The following NNT variants were observed in gnomAD, a reference collection of about 807,000 sequenced individuals.
NNT encodes NAD(P) transhydrogenase, mitochondrial.
NNT carries 50 observed loss-of-function variants against 104.8 expected under a neutral mutation model. That is an observed-to-expected ratio of 0.48 (90% CI 0.38 to 0.60). The LOEUF (loss-of-function observed/expected upper bound fraction) is 0.60, where lower values mean the gene tolerates loss of function less well. NNT is among the 20% of genes least tolerant of loss of function. The pLI is 0.00. For synonymous variants in NNT, 461 were observed against 490.4 expected, an observed-to-expected ratio of 0.94 and a Z score of 0.79; for missense variants, 1,131 against 1,330.7, an observed-to-expected ratio of 0.85 and a Z score of 2.33.
intron 1 of NNT, among the ~76,000 whole-genome samples, chr5:43,607,737 G>A (rs1325942870): frequency 6.6e-6 from 1 of 152,148 alleles, no homozygotes; most frequent in Non-Finnish European, 1.5e-5. Context: ...CACCAAGCCT[G>A]GCCAGTGGCA....
intron 12 of NNT, among the ~76,000 whole-genome samples, chr5:43,651,236 G>GT (rs1165643686): frequency 6.6e-6 from 1 of 152,002 alleles, no homozygotes; most frequent in South Asian, 2.1e-4. Flanking sequence ...TATATTTAGT[G>GT]TTTTTTCCCC....
chr5:43,641,297 C>T (rs1751219825), intron 7 of NNT, among the ~76,000 whole-genome samples: 1 of 151,244 alleles, frequency 6.6e-6, no homozygotes, highest in Non-Finnish European at 1.5e-5. Context: ...TATTTTTTTC[C>T]CTTCTGTTTT....
chr5:43,699,159 A>T (rs1742719127), intron 19 of NNT, among the ~76,000 whole-genome samples: 2 of 152,052 alleles, frequency 1.3e-5, no homozygotes, highest in East Asian at 1.9e-4. Flanking sequence ...CTGTGGTCAA[A>T]AGAAGTTGCT....
chr5:43,673,424 A>G (rs1171973852), intron 17 of NNT, among the ~76,000 whole-genome samples: 2 of 152,054 alleles, frequency 1.3e-5, no homozygotes, highest in Non-Finnish European at 2.9e-5. Context: ...CCATCTTGGA[A>G]CCCAATCCTC....
chr5:43,621,784 G>A (rs1226782244), intron 5 of NNT, among the ~76,000 whole-genome samples: 1 of 152,170 alleles, frequency 6.6e-6, no homozygotes, highest in Non-Finnish European at 1.5e-5. Context: ...GTAGAGTGAT[G>A]GGGAAGCTTC....
Position 43,609,166 on chromosome 5 carries a change from G to A in NNT, c.-30G>A, listed in dbSNP as rs1025645816. 2 of 1,581,564 alleles carry A rather than the reference G, an allele frequency of 1.3e-6. No homozygotes were observed. The highest frequency in any genetic ancestry group is 1.4e-5 in the African/African-American group (1 of 73,942). On this transcript the variant is annotated 5_prime_UTR_variant, in exon 2 of 22. Transcript: ENST00000344920. ...AGTGATTTGCCTTCAAGGAAACTGG[G>A]GAGTCAGAAAATTGGGAACTCATAT...
chr5:43,605,797 A>G (rs1749192761), intron 1 of NNT, among the ~76,000 whole-genome samples: 1 of 152,184 alleles, frequency 6.6e-6, no homozygotes, highest in African/African-American at 2.4e-5. Flanking sequence ...TTGCCAAGAA[A>G]TGACCTCCTG....
At chr5:43,645,644 T>C (rs780561960) in intron 10 of NNT, 134 bp downstream of exon 10, 1 of 155,564 alleles carries the variant, frequency 6.4e-6, no homozygotes, top group South Asian at 2.8e-4. Context: ...TCTACACATC[T>C]ATCTATCTAT....
intron 19 of NNT, among the ~76,000 whole-genome samples, chr5:43,695,357 A>T (rs1170814295): frequency 6.6e-6 from 1 of 152,232 alleles, no homozygotes; most frequent in Non-Finnish European, 1.5e-5. Context: ...GTGAAAAATA[A>T]CAAGGCATCT....
At chr5:43,630,167 G>C (rs1418032948) in intron 7 of NNT, among the ~76,000 whole-genome samples, 3 of 151,962 alleles carry the variant, frequency 2.0e-5, no homozygotes, top group African/African-American at 7.2e-5. Context: ...GAGGGGTGAG[G>C]ATCCAGCTTC....
chr5:43,695,428 C>T (rs1306996018), intron 19 of NNT, among the ~76,000 whole-genome samples: 1 of 152,186 alleles, frequency 6.6e-6, no homozygotes, highest in East Asian at 1.9e-4. Flanking sequence ...AATGCTGATA[C>T]AGACTTAGGC....
intron 19 of NNT, among the ~76,000 whole-genome samples, chr5:43,699,165 TTG>T (rs1742719438): frequency 6.6e-6 from 1 of 152,060 alleles, no homozygotes; most frequent in Non-Finnish European, 1.5e-5. Context: ...TCAAAAGAAG[TTG>T]CTTGATGCTT....
At chr5:43,648,364 AC>A in intron 10 of NNT, 1 of 327,284 alleles carries the variant, frequency 3.1e-6, no homozygotes, top group Non-Finnish European at 4.5e-6. Flanking sequence ...CTTTTTACTG[AC>A]CACTAGGTAA....
In NNT at chr5:43,655,884, T is replaced by C; in HGVS notation, c.2104T>C (p.Leu702=). ...KRIQISDLPQ[L]VAAFHSLVGL... is the part of the protein sequence containing the mutation. The stretch of plus-strand genomic sequence containing the variant: ...CATCCAGATTTCTGATTTACCTCAA[T>C]TAGTTGCTGCTTTTCACAGTTTAGT... Residue 702 remains leucine (L), a synonymous_variant, in exon 15 of 22, where the codon TTA becomes CTA. Coordinates refer to ENST00000344920, the MANE Select transcript of NNT (RefSeq NM_182977.3). 1 of 1,614,270 alleles carries C rather than the reference T, an allele frequency of 6.2e-7. No individual in the cohort carries two copies. Among genetic ancestry groups the C allele is most frequent in the Non-Finnish European group, 8.5e-7 (1 of 1,180,050 alleles).
chr5:43,638,797 T>C (rs1751071406), intron 7 of NNT, among the ~76,000 whole-genome samples: 2 of 152,016 alleles, frequency 1.3e-5, no homozygotes, highest in African/African-American at 4.8e-5. Context: ...ATTATAAAAT[T>C]TTGTGGTAAA....
intron 3 of NNT, 70 bp downstream of exon 3, chr5:43,613,207 A>G (rs1749595103): frequency 8.0e-7 from 1 of 1,250,002 alleles, no homozygotes; most frequent in South Asian, 1.4e-5. Flanking sequence ...AGAAAAATTA[A>G]ATTACTTTAT....
intron 19 of NNT, among the ~76,000 whole-genome samples, chr5:43,681,543 G>A (rs1336244297): frequency 6.6e-6 from 1 of 152,000 alleles, no homozygotes; most frequent in East Asian, 1.9e-4. Context: ...GGGACTACAG[G>A]CGCATACCAC....
chr5:43,663,968 C>T (rs1300449750), intron 17 of NNT, among the ~76,000 whole-genome samples: 3 of 152,126 alleles, frequency 2.0e-5, no homozygotes, highest in African/African-American at 7.2e-5. Context: ...AATATGGTAC[C>T]AGTATGTTGA....
intron 5 of NNT, among the ~76,000 whole-genome samples, chr5:43,620,258 C>T (rs1750008717): frequency 6.6e-6 from 1 of 151,928 alleles, no homozygotes; most frequent in Non-Finnish European, 1.5e-5. Flanking sequence ...CTCACTCTGT[C>T]ACCCAGACTG....
Sources: gnomAD v4.1 joint callset for allele counts (sites outside exome capture counted in the v4.1 genomes callset) on GRCh38, gnomAD v4.1.1 for gene constraint, MANE v1.5 for transcripts, NCBI Gene and HGNC (gene_info 2026-07-23, HGNC 2026-07-21) for gene names.